Variants in CFAP299 observed in about 807,000 individuals in gnomAD.
CFAP299 encodes cilia- and flagella-associated protein 299.
A neutral mutation model predicts 27.0 loss-of-function variants in CFAP299; 21 were observed. The observed-to-expected ratio is 0.78, with a 90% CI of 0.55 to 1.12. The LOEUF is 1.12. Ranked by LOEUF, CFAP299 falls within the 50% of genes most tolerant of loss-of-function variation. The pLI is 0.00. For missense variants in CFAP299, 310 were observed against 276.6 expected (o/e 1.12, Z -0.86); for synonymous variants, 104 against 98.1 (o/e 1.06, Z -0.36).
chr4:80,486,104 A>G (rs981619345), intron 2 of CFAP299, among the ~76,000 whole-genome samples: 1 of 152,076 alleles, frequency 6.6e-6, no homozygotes, highest in Admixed American at 6.5e-5. Context: ...TGAAATTCTA[A>G]CCTAGCCACA....
intron 3 of CFAP299, among the ~76,000 whole-genome samples, chr4:80,864,564 T>C (rs1393999079): frequency 2.0e-5 from 3 of 148,648 alleles, no homozygotes; most frequent in Non-Finnish European, 4.5e-5. Context: ...ATATAATAAC[T>C]AAAACGTTTG....
chr4:80,329,549 A>G, the CFAP299 span, among the ~76,000 whole-genome samples: 3 of 152,154 alleles, frequency 2.0e-5, no homozygotes, highest in African/African-American at 4.8e-5. Context: ...AGATGGATCA[A>G]AACATTTTTA....
intron 2 of CFAP299, among the ~76,000 whole-genome samples, chr4:80,497,348 T>G (rs1731503804): frequency 6.6e-6 from 1 of 152,226 alleles, no homozygotes; most frequent in African/African-American, 2.4e-5. Flanking sequence ...TTTTGTTATT[T>G]CCTTGATGTA....
At chr4:80,677,992 G>A (rs1001205394) in intron 3 of CFAP299, among the ~76,000 whole-genome samples, 23 of 151,792 alleles carry the variant, frequency 1.5e-4, no homozygotes, top group African/African-American at 5.6e-4. Context: ...TTTCTACTTG[G>A]GAAATCCCCA....
chr4:80,661,889 G>A (rs536304136), intron 3 of CFAP299, among the ~76,000 whole-genome samples: 3 of 152,262 alleles, frequency 2.0e-5, no homozygotes, highest in East Asian at 1.9e-4. Context: ...TGAAATGGCC[G>A]CTTTGGTGAC....
chr4:80,801,846 C>T (rs1278470376), intron 3 of CFAP299, among the ~76,000 whole-genome samples: 1 of 152,094 alleles, frequency 6.6e-6, no homozygotes, highest in Non-Finnish European at 1.5e-5. Flanking sequence ...TTGCCCAACG[C>T]ACTCTGCTTT....
At chr4:80,854,025 A>G (rs1306597289) in intron 3 of CFAP299, among the ~76,000 whole-genome samples, 1 of 152,188 alleles carries the variant, frequency 6.6e-6, no homozygotes, top group Non-Finnish European at 1.5e-5. Context: ...ATGCAGACAG[A>G]GAAAAGATGA....
At chr4:80,652,886 A>G (rs1740379193) in intron 3 of CFAP299, among the ~76,000 whole-genome samples, 1 of 152,182 alleles carries the variant, frequency 6.6e-6, no homozygotes, top group Non-Finnish European at 1.5e-5. Flanking sequence ...TGCAAAGTTG[A>G]CGTGCCTATG....
rs529869937 is a variant in CFAP299 at position 80,370,390 on chromosome 4, C to T, written c.242+7506C>T. Among the ~76,000 whole-genome samples the T allele has an allele frequency of 7.9e-5, 12 of 152,298 alleles. No individual in the cohort carries two copies. The South Asian group carries it at 8.3e-4, about 11-fold the overall frequency. ...CATGTCCCTCTCACATTGCAAAACA[C>T]AATCATGCCTTCCCAACAGTCCCCC... On this transcript the variant is annotated intron_variant, in intron 2 of 5. Coordinates refer to ENST00000358105, the MANE Select transcript of CFAP299 (RefSeq NM_152770.3).
intron 3 of CFAP299, among the ~76,000 whole-genome samples, chr4:80,852,824 A>G (rs1731601562): frequency 6.6e-6 from 1 of 152,166 alleles, no homozygotes; most frequent in Non-Finnish European, 1.5e-5. Context: ...AAACCCAACT[A>G]GTTATTCTAT....
intron 2 of CFAP299, among the ~76,000 whole-genome samples, chr4:80,378,480 GT>G (rs927206260): frequency 1.4e-5 from 2 of 144,036 alleles, no homozygotes; most frequent in African/African-American, 2.5e-5. Context: ...AGGGGATATT[GT>G]TTTTTTTTTC....
intron 2 of CFAP299, among the ~76,000 whole-genome samples, chr4:80,410,027 G>C (rs1726641365): frequency 6.6e-6 from 1 of 152,202 alleles, no homozygotes; most frequent in Admixed American, 6.5e-5. Context: ...GCTCCTAAGA[G>C]AGTGCTCAGT....
intron 2 of CFAP299, chr4:80,388,575 C>A: frequency 2.1e-6 from 3 of 1,430,758 alleles, no homozygotes; most frequent in Non-Finnish European, 2.9e-6. Context: ...TCCTCATCAT[C>A]CAATGGCTGG....
chr4:80,371,460 C>T (rs544038829), intron 2 of CFAP299, among the ~76,000 whole-genome samples: 1 of 152,298 alleles, frequency 6.6e-6, no homozygotes, highest in African/African-American at 2.4e-5. Context: ...CATGGCTAGG[C>T]TGCAAATTTT....
At chr4:80,504,125 C>T (rs528529840) in intron 2 of CFAP299, among the ~76,000 whole-genome samples, 89 of 151,840 alleles carry the variant, frequency 5.9e-4, no homozygotes, top group Non-Finnish European at 1.2e-3. Flanking sequence ...GGGAGGAGAT[C>T]GGCTTGGTTT....
intron 3 of CFAP299, among the ~76,000 whole-genome samples, chr4:80,635,949 A>G (rs1262517147): frequency 6.6e-6 from 1 of 152,152 alleles, no homozygotes; most frequent in Non-Finnish European, 1.5e-5. Flanking sequence ...TGGTAAAAAT[A>G]TATATATTTT....
At chr4:80,842,583 C>T (rs1037187681) in intron 3 of CFAP299, among the ~76,000 whole-genome samples, 1 of 152,028 alleles carries the variant, frequency 6.6e-6, no homozygotes, top group Non-Finnish European at 1.5e-5. Context: ...AGTGCAAGAC[C>T]GAGTTTGATC....
rs377632668 is a variant in CFAP299, at chr4:80,824,197, T to C, written c.334-45796T>C. ...TTTTGTATGAATACTTTGGAACTTT[T>C]AAGTCTATTGAAGGCTTTAAGCTTT... On this transcript the variant is annotated intron_variant, in intron 3 of 5. Transcript: ENST00000358105. Among the ~76,000 whole-genome samples the C allele has an allele frequency of 5.9e-5, 9 of 152,294 alleles. No individual in the cohort carries two copies. The South Asian group carries it at 1.7e-3, about 28-fold the overall frequency.
intron 3 of CFAP299, among the ~76,000 whole-genome samples, chr4:80,661,589 A>T (rs575478750): frequency 1.3e-5 from 2 of 152,182 alleles, no homozygotes; most frequent in African/African-American, 4.8e-5. Flanking sequence ...TCTTAATCTC[A>T]TCATCTTCAT....
Sources: gnomAD v4.1 joint callset for allele counts (sites outside exome capture counted in the v4.1 genomes callset) on GRCh38, gnomAD v4.1.1 for gene constraint, MANE v1.5 for transcripts, NCBI Gene and HGNC (gene_info 2026-07-23, HGNC 2026-07-21) for gene names.